Variants in MCM5 observed in about 807,000 individuals in gnomAD.
MCM5 encodes the protein minichromosome maintenance complex component 5.
A neutral mutation model predicts 79.9 loss-of-function variants in MCM5; 46 were observed. That is an observed-to-expected ratio of 0.58 (90% confidence interval 0.45 to 0.74). The LOEUF (loss-of-function observed/expected upper bound fraction) is 0.74. Ranked by LOEUF, MCM5 falls within the 30% of genes least tolerant of loss-of-function variation. The probability of loss-of-function intolerance (pLI) is 0.00; values close to 1 mark genes in which losing one functional copy is unlikely to be tolerated. For synonymous variants in MCM5, 404 were observed against 390.5 expected, an observed-to-expected ratio of 1.03 and a Z score of -0.41; for missense variants, 883 against 1,017.0, an observed-to-expected ratio of 0.87 and a Z score of 1.79.
the MCM5 span, among the ~76,000 whole-genome samples, chr22:35,432,762 G>A: frequency 1.3e-5 from 2 of 152,088 alleles, no homozygotes; most frequent in African/African-American, 4.8e-5. Flanking sequence ...AGGGGGTTGG[G>A]GATTGGGGCC....
At chr22:35,438,272 C>A in the MCM5 span, among the ~76,000 whole-genome samples, 1 of 102,998 alleles carries the variant, frequency 9.7e-6, no homozygotes, top group African/African-American at 3.8e-5. Flanking sequence ...CCCACCCACC[C>A]ACATATTCAT....
the MCM5 span, among the ~76,000 whole-genome samples, chr22:35,434,038 G>C: frequency 6.6e-6 from 1 of 152,230 alleles, no homozygotes; most frequent in African/African-American, 2.4e-5. Flanking sequence ...ATTTGGAACT[G>C]AGTTTCGTGG....
chr22:35,439,864 C>T, the MCM5 span, among the ~76,000 whole-genome samples: 4 of 152,372 alleles, frequency 2.6e-5, no homozygotes, highest in African/African-American at 9.6e-5. Flanking sequence ...AGTGTGCAGG[C>T]CTGGCATGGT....
At chr22:35,451,573 T>A in the MCM5 span, among the ~76,000 whole-genome samples, 2 of 152,234 alleles carry the variant, frequency 1.3e-5, no homozygotes, top group Non-Finnish European at 2.9e-5. Context: ...ACCAGGTGAC[T>A]CGAGAGGGGG....
the MCM5 span, among the ~76,000 whole-genome samples, chr22:35,437,976 T>C: frequency 6.6e-6 from 1 of 152,076 alleles, no homozygotes; most frequent in East Asian, 1.9e-4. Context: ...TTAGTGGTAA[T>C]GTTTGGCCTG....
In MCM5 at chr22:35,424,159, C is replaced by G. The variant is rs200196982; in HGVS notation, c.2109C>G (p.Tyr703Ter). 1.3e-6 allele frequency: 2 copies of G among 1,549,666 alleles called. No individual in the cohort carries two copies. The highest frequency in any genetic ancestry group is 1.7e-6 in the Non-Finnish European group (2 of 1,145,708). The part of the protein sequence containing the change: ...SIIKDFTKQK[Y>*]PEHAIHKVLQ... ...CCAGCCATGTGCTCCCACAGAAATA[C>G]CCGGAGCACGCCATCCACAAGGTGC... The change falls in exon 17 of 17, where the codon TAC (tyrosine) becomes TAG (stop). Residue 703 changes from tyrosine (Y) to a stop codon, truncating the protein, a stop_gained. Coordinates refer to ENST00000216122, the MANE Select transcript of MCM5 (RefSeq NM_006739.4). LOFTEE classifies it high-confidence loss of function.
rs777586599 is a variant in MCM5, at chr22:35,421,344, C to T, written c.1859C>T (p.Ala620Val). The T allele has an allele frequency of 9.9e-6, 16 of 1,613,670 alleles. 1 individual carries two copies. The South Asian group carries it at 1.1e-4, about 11-fold the overall frequency. Residue 620 changes from alanine (A) to valine (V), a missense_variant, in exon 15 of 17, where the codon GCG becomes GTG. Physicochemically the swap from Ala to Val is moderately conservative, Grantham distance 64. Coordinates refer to ENST00000216122, the MANE Select transcript of MCM5 (RefSeq NM_006739.4). The part of the protein sequence containing the change: ...VRQLEAIVRI[A>V]EALSKMKLQP... ...CAGCTGGAGGCCATTGTGCGCATCG[C>T]GGAAGCCCTCAGCAAGATGAAGCTG...
At chr22:35,444,829 T>C in the MCM5 span, among the ~76,000 whole-genome samples, 1 of 152,056 alleles carries the variant, frequency 6.6e-6, no homozygotes, top group African/African-American at 2.4e-5. Flanking sequence ...GCCTGGGCGA[T>C]GTAGCAAGAC....
Position 35,403,425 on chromosome 22 carries a change from T to C in MCM5, c.306T>C (p.Ala102=). ...TTCCCTTTCTCCAGCTGGAGGAAGC[T>C]GCCAAGGAGGTAGCTGATGAGGTGA... is the stretch of plus-strand genomic sequence containing the variant. ...PAEHLQLLEE[A]AKEVADEVTR... The change falls in exon 4 of 17, where the codon GCT becomes GCC. Residue 102 remains alanine, a synonymous_variant. Transcript: ENST00000216122. 1 of 1,614,160 alleles carries C rather than the reference T, an allele frequency of 6.2e-7. No individual in the cohort carries two copies. Among genetic ancestry groups the C allele is most frequent in the Non-Finnish European group, 8.5e-7 (1 of 1,180,012 alleles).
the MCM5 span, among the ~76,000 whole-genome samples, chr22:35,440,141 C>A: frequency 6.6e-6 from 1 of 152,336 alleles, no homozygotes; most frequent in Admixed American, 6.5e-5. Context: ...AGCACTTCCC[C>A]TAACATCATC....
At position 35,400,501 on chromosome 22, in the gene MCM5, C is replaced by G. The variant is rs1182832079; in HGVS notation, c.63C>G (p.Ala21=). The change falls in exon 2 of 17, where the codon GCC becomes GCG. Residue 21 remains alanine (A), a synonymous_variant. Transcript: ENST00000216122. ...ACAGCTTCGGGGGCGACGCCCAGGC[C>G]GACGAGGGGCAGGCCCGCAAATCGC... The part of the protein sequence containing the change: ...YSDSFGGDAQ[A]DEGQARKSQL... 1 of 1,614,096 alleles carries G rather than the reference C, an allele frequency of 6.2e-7. No individual in the cohort carries two copies. Among genetic ancestry groups the G allele is most frequent in the East Asian group, 2.2e-5 (1 of 44,882 alleles).
intron 13 of MCM5, 142 bp downstream of exon 13, chr22:35,417,998 G>A (rs1014305637): frequency 1.6e-6 from 1 of 625,090 alleles, no homozygotes; most frequent in Admixed American, 2.6e-5. Flanking sequence ...TACTGAATCT[G>A]CTCTGCTCCC....
intron 4 of MCM5, 106 bp from the exon 5 acceptor site, chr22:35,406,447 C>T (rs1472738979): frequency 1.9e-6 from 2 of 1,048,200 alleles, no homozygotes; most frequent in Admixed American, 2.1e-5. Context: ...CTCCCTGCAG[C>T]TCTGTGCCCA....
the MCM5 span, among the ~76,000 whole-genome samples, chr22:35,445,877 C>A: frequency 0.79 from 120,331 of 152,140 alleles, 48,190 homozygotes; most frequent in African/African-American, 0.88. Flanking sequence ...GATAACTTTT[C>A]CTGATACCCG....
intron 14 of MCM5, 83 bp downstream of exon 14, chr22:35,420,095 T>TC (rs1310264132): frequency 2.0e-6 from 3 of 1,485,382 alleles, no homozygotes; most frequent in Non-Finnish European, 2.7e-6. Flanking sequence ...GGGGCAGTGG[T>TC]CCAGGCTTTT....
intron 14 of MCM5, among the ~76,000 whole-genome samples, chr22:35,420,815 C>T (rs543064485): frequency 2.0e-5 from 3 of 152,274 alleles, no homozygotes; most frequent in African/African-American, 4.8e-5. Flanking sequence ...TTTAGTGGAT[C>T]GCTGTGTGCC....
At position 35,418,155 on chromosome 22, in the gene MCM5, G is replaced by A. The variant is rs571350050; in HGVS notation, c.1703+299G>A. 3.3e-4 allele frequency among the ~76,000 whole-genome samples: 50 copies of A among 152,194 alleles called. No individual in the cohort carries two copies. In the South Asian group the frequency reaches 0.01, roughly 31 times the overall value. On this transcript the variant is annotated intron_variant, in intron 13 of 16. Coordinates refer to ENST00000216122, the MANE Select transcript of MCM5 (RefSeq NM_006739.4). ...GTAGACATGGTAGACATGGGCTCTG[G>A]GTCATACCTGCCTTCACTCTATGAC...
intron 4 of MCM5, among the ~76,000 whole-genome samples, chr22:35,406,175 G>C (rs535550917): frequency 1.6e-3 from 251 of 152,234 alleles, no homozygotes; most frequent in Non-Finnish European, 2.4e-3. Context: ...CTGCCTCCCA[G>C]GTTTGTTCTG....
At chr22:35,415,283 G>A (rs534475648) in intron 9 of MCM5, among the ~76,000 whole-genome samples, 1 of 152,300 alleles carries the variant, frequency 6.6e-6, no homozygotes, top group Non-Finnish European at 1.5e-5. Context: ...ATTTCAACAT[G>A]TTGTTTGATA....
Sources: gnomAD v4.1 joint callset for allele counts (sites outside exome capture counted in the v4.1 genomes callset) on GRCh38, gnomAD v4.1.1 for gene constraint, MANE v1.5 for transcripts, NCBI Gene and HGNC (gene_info 2026-07-23, HGNC 2026-07-21) for gene names.